Variants in EVC observed in about 807,000 individuals in gnomAD.
EVC encodes the protein evC complex member EVC.
A neutral mutation model predicts 118.9 loss-of-function variants in EVC; 116 were observed. That is an observed-to-expected ratio of 0.98 (90% confidence interval 0.84 to 1.14). The LOEUF (loss-of-function observed/expected upper bound fraction) is 1.14, where lower values mean the gene tolerates loss of function less well. Ranked by LOEUF, EVC falls within the 50% of genes most tolerant of loss-of-function variation. EVC has a pLI of 0.00. For synonymous variants in EVC, 619 were observed against 534.7 expected (o/e 1.16, Z -2.18); for missense variants, 1,401 against 1,246.4 (o/e 1.12, Z -1.87).
intron 11 of EVC, among the ~76,000 whole-genome samples, chr4:5,765,781 T>C (rs1024083882): frequency 4.0e-5 from 6 of 150,312 alleles, no homozygotes; most frequent in African/African-American, 1.5e-4. Context: ...TCCTTTTATT[T>C]TGAGCCTATG....
Position 5,808,325 on chromosome 4 carries a change from C to T in EVC, c.2686C>T (p.Gln896Ter), listed in dbSNP as rs1326731095. ...GGAAGCCCAGCTGGAGACCCAGCTA[C>T]AGGTACAAGTTACAGAACTGGACCT... is the stretch of plus-strand genomic sequence containing the variant. ...LLEAQLETQL[Q>*]EAEQNFISEL... Residue 896 changes from glutamine to a stop codon, truncating the protein, a stop_gained and splice_region_variant, in exon 18 of 21, where the codon CAG becomes TAG. Coordinates refer to ENST00000264956, the MANE Select transcript of EVC (RefSeq NM_153717.3). LOFTEE classifies it high-confidence loss of function. 3 of 1,614,102 alleles carry T rather than the reference C, an allele frequency of 1.9e-6. No homozygotes were observed. The highest frequency in any genetic ancestry group is 1.7e-5 in the Admixed American group (1 of 59,998).
chr4:5,792,600 T>G (rs1433753814), intron 12 of EVC, among the ~76,000 whole-genome samples: 5 of 152,134 alleles, frequency 3.3e-5, no homozygotes, highest in African/African-American at 1.2e-4. Context: ...AACAACACAG[T>G]CAGTTAGGAT....
At chr4:5,777,769 G>T (rs1307145067) in intron 11 of EVC, among the ~76,000 whole-genome samples, 1 of 152,120 alleles carries the variant, frequency 6.6e-6, no homozygotes, top group Non-Finnish European at 1.5e-5. Flanking sequence ...ACCAAAGTCA[G>T]GGTTGGCGAT....
At chr4:5,745,952 C>T (rs1729301761) in intron 7 of EVC, among the ~76,000 whole-genome samples, 1 of 152,084 alleles carries the variant, frequency 6.6e-6, no homozygotes, top group South Asian at 2.1e-4. Flanking sequence ...CAGGAGAAGG[C>T]CCGAGGCAGG....
chr4:5,744,459 G>A (rs1054548380), intron 6 of EVC, among the ~76,000 whole-genome samples: 1 of 152,326 alleles, frequency 6.6e-6, no homozygotes, highest in South Asian at 2.1e-4. Flanking sequence ...GGGTTTGTGA[G>A]TCTATACTTA....
intron 1 of EVC, among the ~76,000 whole-genome samples, chr4:5,716,736 C>T (rs541732282): frequency 6.6e-6 from 1 of 152,284 alleles, no homozygotes; most frequent in Admixed American, 6.5e-5. Flanking sequence ...GATAATTTCC[C>T]TTGAAGAAAG....
intron 17 of EVC, among the ~76,000 whole-genome samples, chr4:5,805,569 G>A (rs566024227): frequency 3.9e-5 from 6 of 152,322 alleles, no homozygotes; most frequent in Admixed American, 1.3e-4. Context: ...GCTTTCCTGC[G>A]AAACTTGCAG....
chr4:5,796,535 CCCACCAAAAAG>C (rs1713998339), intron 13 of EVC, among the ~76,000 whole-genome samples: 1 of 151,964 alleles, frequency 6.6e-6, no homozygotes, highest in South Asian at 2.1e-4. Flanking sequence ...GATGAAGGCA[CCCACCAAAAAG>C]CCTGGAGCGT....
chr4:5,815,029 AC>A (rs1410361170), downstream of EVC, among the ~76,000 whole-genome samples: 1 of 151,740 alleles, frequency 6.6e-6, no homozygotes, highest in Non-Finnish European at 1.5e-5. Context: ...ACTAAACCCA[AC>A]TCAACTGGCC....
In EVC at chr4:5,802,102, A is replaced by AC. The variant is rs398092136; in HGVS notation, c.2449+15dup. The AC allele has an allele frequency of 2.4e-5, 39 of 1,613,812 alleles. No homozygotes were observed. Among genetic ancestry groups the AC allele is most frequent in the African/African-American group, 5.3e-5 (4 of 74,928 alleles). On this transcript the variant is annotated intron_variant, in intron 16 of 20. Transcript: ENST00000264956. ...ACCTGAAGACCCTGCAGGGTACGGG[A>AC]CCCCCCCTCAGGGAAGCCCCAGAAG...
At chr4:5,728,315 A>AT (rs1357069446) in intron 2 of EVC, among the ~76,000 whole-genome samples, 6 of 151,640 alleles carry the variant, frequency 4.0e-5, no homozygotes, top group Non-Finnish European at 7.4e-5. Context: ...ATTCCTAGGT[A>AT]TTTTATTCTC....
In EVC at chr4:5,749,567, T is replaced by TG. The variant is rs541223089; in HGVS notation, c.1098+1262dup. 1.4e-3 allele frequency among the ~76,000 whole-genome samples: 217 copies of TG among 152,248 alleles called. 3 individuals carry two copies. The highest frequency in any genetic ancestry group is 5.1e-3 in the African/African-American group (210 of 41,540). On this transcript the variant is annotated intron_variant, in intron 8 of 20. Transcript: ENST00000264956. This position sits in a 1 kb window ranked among gnomAD's most constrained non-coding sequence, Gnocchi z 4.4. ...TTTATAAAATAATAGTGCTAAGAGT[T>TG]GCCACAGACAGGGCCTGGCTAGATG...
At chr4:5,772,619 C>A (rs540328461) in intron 11 of EVC, among the ~76,000 whole-genome samples, 3 of 151,568 alleles carry the variant, frequency 2.0e-5, no homozygotes, top group East Asian at 1.9e-4. Context: ...CAAGATGCCC[C>A]CAACCTGACC....
chr4:5,821,302 G>C, the EVC span: 1 of 158,874 alleles, frequency 6.3e-6, no homozygotes, highest in Admixed American at 6.2e-5. The surrounding 1 kb of genome is among the most constrained non-coding windows in gnomAD (Gnocchi z 4.4). Flanking sequence ...CTCAGGGCTT[G>C]AGGTCTCGGC....
chr4:5,819,377 C>T, the EVC span, among the ~76,000 whole-genome samples: 1 of 152,210 alleles, frequency 6.6e-6, no homozygotes, highest in Admixed American at 6.5e-5. Context: ...TCCCTCCTCC[C>T]AAAATCTCAA....
At chr4:5,790,497 C>G (rs1490341989) in intron 12 of EVC, among the ~76,000 whole-genome samples, 1 of 152,176 alleles carries the variant, frequency 6.6e-6, no homozygotes, top group Non-Finnish European at 1.5e-5. Context: ...GGAAAAGGGA[C>G]TGACTCTCAC....
chr4:5,767,938 C>G (rs114760428), intron 11 of EVC, among the ~76,000 whole-genome samples: 3,358 of 152,312 alleles, frequency 0.022, 43 homozygotes, highest in Middle Eastern at 0.068. Flanking sequence ...CCACCGGCAG[C>G]TTAGAATTTT....
At chr4:5,774,316 C>A (rs17747499) in intron 11 of EVC, among the ~76,000 whole-genome samples, 11,907 of 151,706 alleles carry the variant, frequency 0.078, 520 homozygotes, top group Middle Eastern at 0.12. Flanking sequence ...ATGCTTTGTT[C>A]CTAGAATGAC....
chr4:5,757,678 C>G (rs1008431867), intron 11 of EVC, among the ~76,000 whole-genome samples: 1 of 152,178 alleles, frequency 6.6e-6, no homozygotes, highest in African/African-American at 2.4e-5. Flanking sequence ...AGAGAGGGCT[C>G]TGGTCTCTCC....
Sources: gnomAD v4.1 joint callset for allele counts (sites outside exome capture counted in the v4.1 genomes callset) on GRCh38, gnomAD v4.1.1 for gene constraint, Gnocchi (gnomAD v3.1) non-coding constraint, MANE v1.5 for transcripts, NCBI Gene and HGNC (gene_info 2026-07-23, HGNC 2026-07-21) for gene names.